The following PSTPIP1 variants were observed in gnomAD, a reference collection of about 807,000 sequenced individuals.
PSTPIP1 encodes proline-serine-threonine phosphatase-interacting protein 1.
In PSTPIP1, 66 loss-of-function variants were observed where a neutral mutation model predicts 69.6. The observed-to-expected ratio is 0.95, with a 90% CI of 0.78 to 1.16. The LOEUF is 1.16. PSTPIP1 is among the 50% of genes most tolerant of loss of function. PSTPIP1 has a pLI of 0.00. For synonymous variants in PSTPIP1, 266 were observed against 222.7 expected, an observed-to-expected ratio of 1.19 and a Z score of -1.73; for missense variants, 603 against 557.4, an observed-to-expected ratio of 1.08 and a Z score of -0.82.
At chr15:77,026,627 C>G (rs752827809) in intron 5 of PSTPIP1, among the ~76,000 whole-genome samples, 1 of 152,236 alleles carries the variant, frequency 6.6e-6, no homozygotes, top group Non-Finnish European at 1.5e-5. Context: ...AGGGCTCCAG[C>G]TCTGGTTAGC....
intron 9 of PSTPIP1, 105 bp from the exon 10 acceptor site, chr15:77,031,075 G>A: frequency 8.9e-7 from 1 of 1,126,680 alleles, no homozygotes; most frequent in Non-Finnish European, 1.3e-6. Context: ...GCTTCCAGCA[G>A]AGAGGGCTGG....
At position 77,018,517 on chromosome 15, in the gene PSTPIP1, C is replaced by G; in HGVS notation, c.198C>G (p.Gly66=). Residue 66 remains glycine, a synonymous_variant, in exon 3 of 15, where the codon GGC becomes GGG. Transcript: ENST00000558012. ...TGCAGATCGCACGGAAGGCAGGTGG[C>G]CAGACGGAGATCAAGTAAGATCTCC... The part of the protein sequence containing the change: ...ELVQIARKAG[G]QTEINSLRAS... 1 of 1,573,426 alleles carries G rather than the reference C, an allele frequency of 6.4e-7. No homozygotes were observed. Among genetic ancestry groups the G allele is most frequent in the Non-Finnish European group, 8.6e-7 (1 of 1,159,384 alleles).
At position 77,032,380 on chromosome 15, in the gene PSTPIP1, G is replaced by C. The variant is rs1303330088; in HGVS notation, c.824G>C (p.Gly275Ala). 1 of 1,612,568 alleles carries C rather than the reference G, an allele frequency of 6.2e-7. No individual in the cohort carries two copies. The highest frequency in any genetic ancestry group is 8.5e-7 in the Non-Finnish European group (1 of 1,179,798). The change falls in exon 11 of 15, where the codon GGC (glycine) becomes GCC (alanine). Residue 275 changes from glycine to alanine, a missense_variant. Coordinates refer to ENST00000558012, the MANE Select transcript of PSTPIP1 (RefSeq NM_003978.5). ...IDSFIQAKST[G>A]TEPPAPVPYQ... ...AGTTTCATCCAGGCCAAGAGCACGG[G>C]CACAGAGCCCCCCGGTGAGGTCCGG...
chr15:77,026,043 T>C (rs1596106760), intron 5 of PSTPIP1: 2 of 456,434 alleles, frequency 4.4e-6, no homozygotes, highest in East Asian at 1.4e-4. Context: ...GGCTGAGGGG[T>C]CAGACACAGA....
chr15:77,012,143 AT>A (rs1229083481), intron 1 of PSTPIP1, among the ~76,000 whole-genome samples: 31 of 124,456 alleles, frequency 2.5e-4, no homozygotes, highest in African/African-American at 2.9e-4. Context: ...CCATCCATCC[AT>A]CCATCCATCC....
In PSTPIP1 at chr15:77,025,305, C is replaced by T. The variant is rs1377587119; in HGVS notation, c.234C>T (p.Asp78=). Residue 78 remains aspartate (D), a synonymous_variant, in exon 4 of 15, where the codon GAC becomes GAT. Coordinates refer to ENST00000558012, the MANE Select transcript of PSTPIP1 (RefSeq NM_003978.5). ...TEINSLRASF[D]SLKQQMENVG... ...GCAGCTCCCTGAGGGCCTCCTTTGACTCCTTGAAGCAGCGTAAGTCCCCTA... is the reference window on the plus strand; with the variant it reads ...GCAGCTCCCTGAGGGCCTCCTTTGATTCCTTGAAGCAGCGTAAGTCCCCTA... 2 of 1,610,942 alleles carry T rather than the reference C, an allele frequency of 1.2e-6. No homozygotes were observed. The highest frequency in any genetic ancestry group is 4.5e-5 in the East Asian group (2 of 44,836).
intron 1 of PSTPIP1, among the ~76,000 whole-genome samples, chr15:77,009,835 G>A (rs1192862545): frequency 1.3e-5 from 2 of 152,164 alleles, no homozygotes; most frequent in African/African-American, 2.4e-5. Context: ...GCCTGGACTC[G>A]CTGTGGGCCT....
At chr15:77,035,460 C>T in intron 12 of PSTPIP1, 48 bp from the exon 13 acceptor site, 1 of 1,540,590 alleles carries the variant, frequency 6.5e-7, no homozygotes, top group African/African-American at 1.4e-5. Flanking sequence ...CTGGTGGGTC[C>T]CTGAGTGTGG....
At chr15:77,022,654 G>A (rs1031602265) in intron 3 of PSTPIP1, among the ~76,000 whole-genome samples, 23 of 152,210 alleles carry the variant, frequency 1.5e-4, no homozygotes, top group African/African-American at 4.6e-4. Flanking sequence ...TGGGGGTTCT[G>A]GGGCAAAGCT....
intron 14 of PSTPIP1, among the ~76,000 whole-genome samples, chr15:77,036,293 C>T (rs923603509): frequency 2.6e-5 from 4 of 152,276 alleles, no homozygotes; most frequent in East Asian, 1.9e-4. Flanking sequence ...GTGGTGCACA[C>T]GTGCGGGGAG....
Position 77,027,769 on chromosome 15 carries a change from A to C in PSTPIP1, c.355-83A>C. ...AGAGCCAGGAGAGGTGCTGCGCCTC[A>C]TCCCAGGGACACTCCGTCCTCTTGG... On this transcript the variant is annotated intron_variant, in intron 5 of 14. Transcript: ENST00000558012. This position sits in a 1 kb window ranked among gnomAD's most constrained non-coding sequence, Gnocchi z 4.3. 1 of 1,501,792 alleles carries C rather than the reference A, an allele frequency of 6.7e-7. No homozygotes were observed. The highest frequency in any genetic ancestry group is 9.1e-7 in the Non-Finnish European group (1 of 1,104,518). The allele number at this position is 1,501,792 out of a possible 1,614,324, so 93.0% of individuals were successfully genotyped here. A position where few individuals can be genotyped will look rare whatever the true frequency, so the allele number is the denominator to read the frequency against.
chr15:76,995,134 CT>C lies in PSTPIP1; in HGVS notation c.-439del. On this transcript the variant is annotated 5_prime_UTR_variant, in exon 1 of 15. Coordinates refer to ENST00000558012, the MANE Select transcript of PSTPIP1 (RefSeq NM_003978.5). The stretch of plus-strand genomic sequence containing the variant: ...CCCGGGGGAGGTTGCACAAACCTTC[CT>C]GCGCAGGCCTCGGGCTGCCTGCCTG... The C allele has an allele frequency of 8.5e-7, 1 of 1,180,680 alleles. No homozygotes were observed. Among genetic ancestry groups the C allele is most frequent in the Non-Finnish European group, 1.1e-6 (1 of 939,098 alleles). The allele number at this position is 1,180,680 out of a possible 1,614,324, so 73.1% of individuals were successfully genotyped here. A position where few individuals can be genotyped will look rare whatever the true frequency, so the allele number is the denominator to read the frequency against.
chr15:77,035,866 G>T lies in PSTPIP1; in HGVS notation c.1050G>T (p.Val350=). The T allele has an allele frequency of 6.2e-7, 1 of 1,610,726 alleles. No homozygotes were observed. The change falls in exon 14 of 15, where the codon GTG becomes GTT. Residue 350 remains valine, a synonymous_variant. Transcript: ENST00000558012. ...AGGGTGTCTACACAGCCATCGCAGT[G>T]CAGGAGATACAGGGAAACCCGGCCT... ...RNEGVYTAIA[V]QEIQGNPASP...
chr15:77,003,666 AAAG>A lies in PSTPIP1; in HGVS notation c.36+8067_36+8069del, dbSNP rs1358133300. On this transcript the variant is annotated intron_variant, in intron 1 of 14. Transcript: ENST00000558012. ...ACGAAACTCCGTCTCAAAAAAAAAA[AAAG>A]AAGAAGAAGGAAGCGGGCTTCTTTG... is the stretch of plus-strand genomic sequence containing the variant. Among the ~76,000 whole-genome samples the A allele has an allele frequency of 2.1e-4, 32 of 151,158 alleles. 1 individual carries two copies. The highest frequency in any genetic ancestry group is 1.1e-3 in the Admixed American group (17 of 15,230).
intron 1 of PSTPIP1, chr15:76,999,760 G>A (rs903354931): frequency 1.3e-5 from 2 of 152,342 alleles, no homozygotes; most frequent in Admixed American, 1.3e-4. Flanking sequence ...GGTCAGGCAA[G>A]GAGTGCTCTG....
intron 1 of PSTPIP1, among the ~76,000 whole-genome samples, chr15:77,007,329 C>T (rs958675781): frequency 3.3e-5 from 5 of 152,160 alleles, no homozygotes; most frequent in African/African-American, 1.2e-4. Flanking sequence ...GACTTCTGGC[C>T]CTGTGCAGTG....
chr15:77,030,543 C>G lies in PSTPIP1; in HGVS notation c.604C>G (p.Arg202Gly). ...RQSIAQLEKV[R>G]AEWEQEHRTT... ...GAGCATTGCGCAGCTGGAGAAGGTC[C>G]GGGCTGAGTGGGAGCAGGAGCACCG... Residue 202 changes from arginine to glycine, a missense_variant, in exon 9 of 15, where the codon CGG becomes GGG. Transcript: ENST00000558012. The G allele has an allele frequency of 6.2e-7, 1 of 1,611,684 alleles. No individual in the cohort carries two copies. The highest frequency in any genetic ancestry group is 8.5e-7 in the Non-Finnish European group (1 of 1,178,792).
At chr15:77,034,353 T>A (rs2076502687) in intron 12 of PSTPIP1, among the ~76,000 whole-genome samples, 1 of 152,142 alleles carries the variant, frequency 6.6e-6, no homozygotes, top group African/African-American at 2.4e-5. Flanking sequence ...TGTGTTGGTG[T>A]CAGGCCCTCC....
intron 1 of PSTPIP1, among the ~76,000 whole-genome samples, chr15:77,005,860 A>G (rs905895100): frequency 1.3e-5 from 2 of 152,170 alleles, no homozygotes; most frequent in African/African-American, 4.8e-5. Context: ...CATTCTACGT[A>G]TATACTTTAT....
Sources: allele counts gnomAD v4.1 joint callset (sites outside exome capture counted in the v4.1 genomes callset), GRCh38; gene constraint gnomAD v4.1.1; non-coding constraint Gnocchi (gnomAD v3.1); transcripts MANE v1.5; gene names NCBI Gene and HGNC (gene_info 2026-07-23, HGNC 2026-07-21).